Variants in LRMDA observed in about 807,000 individuals in gnomAD.
LRMDA encodes leucine rich melanocyte differentiation associated.
LRMDA carries 18 observed loss-of-function variants against 29.8 expected under a neutral mutation model. The ratio of observed to expected loss-of-function variants is 0.60; its 90% CI spans 0.42 to 0.90. The LOEUF (loss-of-function observed/expected upper bound fraction) is 0.90, where lower values mean the gene tolerates loss of function less well. Among genes scored for constraint, LRMDA ranks in the 40% least tolerant of loss-of-function variants. The pLI, the probability that LRMDA is intolerant of heterozygous loss-of-function variation, is 0.00. For synonymous variants in LRMDA, 125 were observed against 109.4 expected, an observed-to-expected ratio of 1.14 and a Z score of -0.89; for missense variants, 273 against 273.9, an observed-to-expected ratio of 1.00 and a Z score of 0.02.
intron 5 of LRMDA, among the ~76,000 whole-genome samples, chr10:76,147,405 A>G (rs1332269304): frequency 4.0e-5 from 6 of 151,590 alleles, no homozygotes. Context: ...TTTTTCTCTA[A>G]ACTTCTCTTC....
At chr10:76,519,202 G>C (rs1011752586) in intron 6 of LRMDA, among the ~76,000 whole-genome samples, 1 of 151,682 alleles carries the variant, frequency 6.6e-6, no homozygotes, top group Non-Finnish European at 1.5e-5. Flanking sequence ...ATTTTTTTTT[G>C]AAATTGAAAC....
At chr10:76,523,160 G>A (rs1843138903) in intron 6 of LRMDA, among the ~76,000 whole-genome samples, 1 of 151,618 alleles carries the variant, frequency 6.6e-6, no homozygotes, top group Admixed American at 6.6e-5. Flanking sequence ...TGAGGCCTGG[G>A]CACTTAGCTC....
chr10:75,933,683 A>T (rs1012273709), intron 2 of LRMDA, among the ~76,000 whole-genome samples: 1 of 152,162 alleles, frequency 6.6e-6, no homozygotes, highest in Non-Finnish European at 1.5e-5. Context: ...TTCACAAGTT[A>T]TATGGAGGAT....
At chr10:76,279,353 A>C (rs563232350) in intron 5 of LRMDA, among the ~76,000 whole-genome samples, 1 of 152,214 alleles carries the variant, frequency 6.6e-6, no homozygotes, top group East Asian at 1.9e-4. Context: ...ATACAGGCAA[A>C]AATGTTATCT....
intron 5 of LRMDA, among the ~76,000 whole-genome samples, chr10:76,132,815 C>CGGG (rs369408716): frequency 2.0e-5 from 3 of 147,338 alleles, no homozygotes; most frequent in African/African-American, 7.8e-5. Context: ...TCTTTTTTGG[C>CGGG]GGGGGGGGTC....
chr10:75,922,792 C>A lies in LRMDA; in HGVS notation c.132-113216C>A, dbSNP rs147850994. On this transcript the variant is annotated intron_variant, in intron 2 of 6. Transcript: ENST00000611255. ...ACCTATCTTCTCTCCCTGGATCTTACCAAAGTACTCATTTTCATCTTCAGC... is the reference window on the plus strand; with the variant it reads ...ACCTATCTTCTCTCCCTGGATCTTAACAAAGTACTCATTTTCATCTTCAGC... Among the ~76,000 whole-genome samples the A allele has an allele frequency of 2.1e-3, 327 of 152,250 alleles. 1 individual carries two copies. The highest frequency in any genetic ancestry group is 7.6e-3 in the African/African-American group (314 of 41,532).
At chr10:76,451,554 A>C (rs1173777475) in intron 6 of LRMDA, among the ~76,000 whole-genome samples, 1 of 151,738 alleles carries the variant, frequency 6.6e-6, no homozygotes, top group African/African-American at 2.4e-5. Context: ...TATTTTGAGC[A>C]AGCTAGGGAG....
intron 2 of LRMDA, among the ~76,000 whole-genome samples, chr10:75,974,490 A>G (rs944689727): frequency 1.3e-5 from 2 of 152,212 alleles, no homozygotes; most frequent in Non-Finnish European, 2.9e-5. Flanking sequence ...TGAGGATAGC[A>G]GCACCTAACT....
chr10:75,721,324 G>A (rs551655405), intron 2 of LRMDA, among the ~76,000 whole-genome samples: 2 of 152,178 alleles, frequency 1.3e-5, no homozygotes, highest in African/African-American at 2.4e-5. Flanking sequence ...ACACAGAGAA[G>A]GATTTAGTTT....
At chr10:75,436,293 G>A (rs2132020426) in intron 1 of LRMDA, among the ~76,000 whole-genome samples, 1 of 152,218 alleles carries the variant, frequency 6.6e-6, no homozygotes, top group Non-Finnish European at 1.5e-5. Flanking sequence ...CATTCTAAGA[G>A]GAAAGAGCCC....
chr10:76,405,219 C>T (rs1399931969), intron 6 of LRMDA, among the ~76,000 whole-genome samples: 1 of 152,168 alleles, frequency 6.6e-6, no homozygotes, highest in East Asian at 1.9e-4. Flanking sequence ...CCATCTTGGT[C>T]CCCGGTTCTT....
chr10:76,524,947 T>C (rs1214996742), intron 6 of LRMDA, among the ~76,000 whole-genome samples: 1 of 152,194 alleles, frequency 6.6e-6, no homozygotes, highest in Non-Finnish European at 1.5e-5. Context: ...ACACACACTT[T>C]ATAAAAATAA....
intron 2 of LRMDA, among the ~76,000 whole-genome samples, chr10:75,886,657 T>G (rs1845396623): frequency 6.6e-6 from 1 of 152,196 alleles, no homozygotes; most frequent in African/African-American, 2.4e-5. Flanking sequence ...TAGCTAGTCT[T>G]GCATGGCTAT....
chr10:76,280,725 G>A (rs752000134), intron 5 of LRMDA, among the ~76,000 whole-genome samples: 2 of 152,048 alleles, frequency 1.3e-5, no homozygotes, highest in Non-Finnish European at 1.5e-5. Flanking sequence ...GTACAGTAGT[G>A]TATCAAATGC....
chr10:75,449,806 C>T (rs1564774034), intron 2 of LRMDA, among the ~76,000 whole-genome samples: 3 of 152,132 alleles, frequency 2.0e-5, no homozygotes, highest in African/African-American at 4.8e-5. Context: ...AGATCGCAGC[C>T]GTGGGACAAA....
At chr10:76,364,430 G>T (rs1335443402) in intron 6 of LRMDA, among the ~76,000 whole-genome samples, 2 of 152,046 alleles carry the variant, frequency 1.3e-5, no homozygotes, top group Non-Finnish European at 2.9e-5. Flanking sequence ...TATCCTAGGG[G>T]TGGTTATTAC....
chr10:75,833,228 A>G (rs1320946228), intron 2 of LRMDA, among the ~76,000 whole-genome samples: 5 of 152,212 alleles, frequency 3.3e-5, no homozygotes, highest in Non-Finnish European at 5.9e-5. Context: ...CTGGCATATC[A>G]TGGATCACCT....
intron 5 of LRMDA, among the ~76,000 whole-genome samples, chr10:76,185,411 T>C (rs1851129807): frequency 6.6e-6 from 1 of 152,224 alleles, no homozygotes; most frequent in South Asian, 2.1e-4. Context: ...CTAAGAAATA[T>C]GAATGATAAT....
At chr10:76,165,056 T>C (rs1224578358) in intron 5 of LRMDA, among the ~76,000 whole-genome samples, 1 of 152,254 alleles carries the variant, frequency 6.6e-6, no homozygotes, top group African/African-American at 2.4e-5. Flanking sequence ...CACTGCAAAC[T>C]CTGCCTCCCA....
Sources: gnomAD v4.1 joint callset for allele counts (sites outside exome capture counted in the v4.1 genomes callset) on GRCh38, gnomAD v4.1.1 for gene constraint, MANE v1.5 for transcripts, NCBI Gene and HGNC (gene_info 2026-07-23, HGNC 2026-07-21) for gene names.